The following CRLF3 variants were observed in gnomAD, a reference collection of about 807,000 sequenced individuals.
CRLF3 encodes the protein cytokine receptor-like factor 3.
In CRLF3, 33 loss-of-function variants were observed where a neutral mutation model predicts 55.0. The observed-to-expected ratio is 0.60, with a 90% CI of 0.46 to 0.80. The LOEUF (loss-of-function observed/expected upper bound fraction) is 0.80. Ranked by LOEUF, CRLF3 falls within the 30% of genes least tolerant of loss-of-function variation. CRLF3 has a pLI of 0.00. For missense variants in CRLF3, 494 were observed against 538.4 expected (o/e 0.92, Z 0.82); for synonymous variants, 238 against 196.8 (o/e 1.21, Z -1.75).
intron 4 of CRLF3, 74 bp downstream of exon 4, chr17:30,796,077 AGTAGTCAAC>A: frequency 1.1e-6 from 1 of 910,682 alleles, no homozygotes; most frequent in Non-Finnish European, 1.6e-6. Context: ...TGTATTTAAA[AGTAGTCAAC>A]GAAAAAATCT....
intron 6 of CRLF3, among the ~76,000 whole-genome samples, chr17:30,787,998 TTAAACAAAAAGAGGGGGAGAGCTGGGGAG>T (rs1971688620): frequency 6.7e-6 from 1 of 150,086 alleles, no homozygotes; most frequent in African/African-American, 2.5e-5. Flanking sequence ...AGACCTTGTC[TTAAACAAAAAGAGGGGGAGAGCTGGGGAG>T]GGGAATGAGA....
At chr17:30,820,982 G>C (rs150849242) in intron 1 of CRLF3, among the ~76,000 whole-genome samples, 1 of 151,916 alleles carries the variant, frequency 6.6e-6, no homozygotes, top group Non-Finnish European at 1.5e-5. Flanking sequence ...TTGAGCCTAG[G>C]AAGTCGAGGC....
intron 6 of CRLF3, among the ~76,000 whole-genome samples, chr17:30,787,240 G>A (rs1415817148): frequency 6.6e-6 from 1 of 152,184 alleles, no homozygotes; most frequent in Admixed American, 6.6e-5. Context: ...TATAATTTAT[G>A]TAACTATTGC....
In CRLF3 at chr17:30,784,050, C is replaced by A; in HGVS notation, c.*137G>T. On this transcript the variant is annotated 3_prime_UTR_variant, in exon 8 of 8. Coordinates refer to ENST00000324238, the MANE Select transcript of CRLF3 (RefSeq NM_015986.4). ...GAAGTCTCTTTTTGCTAAAATATTACAAAATGAATCCAGTAAACACTTTCC... is the reference window on the plus strand; with the variant it reads ...GAAGTCTCTTTTTGCTAAAATATTAAAAAATGAATCCAGTAAACACTTTCC... 1.4e-6 allele frequency: 1 copy of A among 728,602 alleles called. No individual in the cohort carries two copies. The highest frequency in any genetic ancestry group is 2.2e-6 in the Non-Finnish European group (1 of 448,032). 45.1% of individuals were successfully genotyped at this position (728,602 alleles called of 1,614,324 possible). A position where few individuals can be genotyped will look rare whatever the true frequency, so the allele number is the denominator to read the frequency against.
Position 30,793,465 on chromosome 17 carries a change from T to C in CRLF3, c.811A>G (p.Thr271Ala). Residue 271 changes from threonine to alanine, a missense_variant, in exon 5 of 8, where the codon ACA (threonine) becomes GCA (alanine). Transcript: ENST00000324238. ...PWSVPQIGHSTLVPHEWTAGF... is the reference protein window; with the variant it reads ...PWSVPQIGHSALVPHEWTAGF... ...AGCAGCATACCATGAGGCACCAATG[T>C]GGAATGACCTATCTGGGGGACACTC... is the stretch of plus-strand genomic sequence containing the variant. 6.2e-7 allele frequency: 1 copy of C among 1,614,022 alleles called. No individual in the cohort carries two copies. The highest frequency in any genetic ancestry group is 8.5e-7 in the Non-Finnish European group (1 of 1,179,914).
intron 1 of CRLF3, among the ~76,000 whole-genome samples, chr17:30,812,581 A>G (rs896507351): frequency 3.9e-5 from 6 of 152,176 alleles, no homozygotes; most frequent in Non-Finnish European, 5.9e-5. Flanking sequence ...CAGAAAACGT[A>G]TATTATATGA....
intron 1 of CRLF3, among the ~76,000 whole-genome samples, chr17:30,822,508 C>T (rs1483851817): frequency 6.6e-6 from 1 of 152,152 alleles, no homozygotes; most frequent in Non-Finnish European, 1.5e-5. Flanking sequence ...TAATTGTGAT[C>T]GATGTTCATT....
chr17:30,816,571 C>G (rs1904813732), intron 1 of CRLF3, among the ~76,000 whole-genome samples: 1 of 150,328 alleles, frequency 6.7e-6, no homozygotes, highest in African/African-American at 2.5e-5. Flanking sequence ...CTTACTGCAC[C>G]CTCAGCCTCC....
chr17:30,797,940 AT>A (rs561112215), intron 2 of CRLF3, among the ~76,000 whole-genome samples: 30,871 of 125,152 alleles, frequency 0.25, 4,213 homozygotes, highest in African/African-American at 0.43. Flanking sequence ...ATGCCCAGCT[AT>A]TTTTTTTTTT....
rs571146741 is a variant in CRLF3 at position 30,788,328 on chromosome 17, A to G, written c.960-2297T>C. On this transcript the variant is annotated intron_variant, in intron 6 of 7. Coordinates refer to ENST00000324238, the MANE Select transcript of CRLF3 (RefSeq NM_015986.4). ...GCAACAGAATGAGACTTTGTCTCAAAAAAAAAAAAAGAAAAGAAAAGAAAA... is the reference window on the plus strand; with the variant it reads ...GCAACAGAATGAGACTTTGTCTCAAGAAAAAAAAAAGAAAAGAAAAGAAAA... Among the ~76,000 whole-genome samples the G allele has an allele frequency of 6.8e-5, 10 of 147,744 alleles. No homozygotes were observed. The East Asian group carries it at 1.6e-3, about 23-fold the overall frequency.
At chr17:30,813,579 T>C (rs918566366) in intron 1 of CRLF3, among the ~76,000 whole-genome samples, 2 of 151,858 alleles carry the variant, frequency 1.3e-5, no homozygotes. Flanking sequence ...ATTAAGAATC[T>C]CCTATGTCCT....
At chr17:30,793,786 G>C in intron 4 of CRLF3, 114 bp from the exon 5 acceptor site, 1 of 643,006 alleles carries the variant, frequency 1.6e-6, no homozygotes, top group Non-Finnish European at 2.7e-6. Flanking sequence ...CCCACATGCT[G>C]AATATGGGGT....
At chr17:30,798,377 C>G (rs1307685714) in intron 2 of CRLF3, among the ~76,000 whole-genome samples, 1 of 147,764 alleles carries the variant, frequency 6.8e-6, no homozygotes, top group South Asian at 2.3e-4. Flanking sequence ...GACTCCGTCC[C>G]CCCCGCCAAA....
chr17:30,797,445 T>C, intron 2 of CRLF3, 47 bp from the exon 3 acceptor site: 1 of 1,474,738 alleles, frequency 6.8e-7, no homozygotes, highest in Non-Finnish European at 9.5e-7. Context: ...TGGTCACATA[T>C]AAAGTAATCA....
rs1001699903 is a variant in CRLF3, at chr17:30,784,129, C to T, written c.*58G>A. Reference sequence around the variant, plus strand: ...TTTTTTTTTAAAGCAATTACAACTACGCTGGGCTGAGGACAGCTACGTTAG... The same window carrying T: ...TTTTTTTTTAAAGCAATTACAACTATGCTGGGCTGAGGACAGCTACGTTAG... On this transcript the variant is annotated 3_prime_UTR_variant, in exon 8 of 8. Transcript: ENST00000324238. The T allele has an allele frequency of 2.2e-5, 33 of 1,505,016 alleles. No homozygotes were observed. Among genetic ancestry groups the T allele is most frequent in the Middle Eastern group, 2.3e-4 (1 of 4,320 alleles). 93.2% of individuals were successfully genotyped at this position (1,505,016 alleles called of 1,614,324 possible). A position where few individuals can be genotyped will look rare whatever the true frequency, so the allele number is the denominator to read the frequency against.
intron 6 of CRLF3, chr17:30,787,625 T>C (rs538206490): frequency 1.1e-4 from 16 of 152,174 alleles, no homozygotes; most frequent in African/African-American, 2.4e-5. Flanking sequence ...ATGTCATTGA[T>C]TGTGAAATAG....
intron 6 of CRLF3, among the ~76,000 whole-genome samples, chr17:30,791,293 G>T (rs547252540): frequency 6.6e-6 from 1 of 151,500 alleles, no homozygotes; most frequent in East Asian, 2.0e-4. Context: ...GTGGTGTCTT[G>T]ATCTCCTAAC....
At chr17:30,814,036 C>G (rs1363287796) in intron 1 of CRLF3, among the ~76,000 whole-genome samples, 1 of 152,126 alleles carries the variant, frequency 6.6e-6, no homozygotes, top group Non-Finnish European at 1.5e-5. Flanking sequence ...GCGGGCAGAT[C>G]ACTTGAGGCC....
chr17:30,820,723 C>T (rs1041295991), intron 1 of CRLF3, among the ~76,000 whole-genome samples: 4 of 147,450 alleles, frequency 2.7e-5, no homozygotes, highest in South Asian at 2.2e-4. Context: ...ACCCAAGAGG[C>T]GGAGGTTGCA....
Sources: gnomAD v4.1 joint callset for allele counts (sites outside exome capture counted in the v4.1 genomes callset) on GRCh38, gnomAD v4.1.1 for gene constraint, MANE v1.5 for transcripts, NCBI Gene and HGNC (gene_info 2026-07-23, HGNC 2026-07-21) for gene names.